Variants in AKNA observed in about 807,000 individuals in gnomAD.
The protein encoded by AKNA is microtubule organization protein AKNA.
AKNA carries 67 observed loss-of-function variants against 138.8 expected under a neutral mutation model. That is an observed-to-expected ratio of 0.48 (90% CI 0.40 to 0.59). The LOEUF is 0.59. Ranked by LOEUF, AKNA falls within the 20% of genes least tolerant of loss-of-function variation. The pLI is 0.00. For missense variants in AKNA, 1,813 were observed against 1,880.4 expected (o/e 0.96, Z 0.66); for synonymous variants, 737 against 754.4 (o/e 0.98, Z 0.38).
At chr9:114,346,417 G>A (rs1830689877) in intron 17 of AKNA, among the ~76,000 whole-genome samples, 1 of 152,230 alleles carries the variant, frequency 6.6e-6, no homozygotes, top group Non-Finnish European at 1.5e-5. Flanking sequence ...GTGAAATGTG[G>A]ATAATATGAC....
At position 114,356,111 on chromosome 9, in the gene AKNA, AGGGCT is replaced by A. The variant is rs1374116489; in HGVS notation, c.2867_2871del (p.Gln956LeufsTer70). ...CCATCCCTGGGCACAGATGCAGCAA[AGGGCT>A]GGGCTAATGTTCCTGCTGTGCTGGG... On this transcript the variant is annotated frameshift_variant, in exon 14 of 22. Transcript: ENST00000374088. LOFTEE classifies it high-confidence loss of function. 2.5e-6 allele frequency: 4 copies of A among 1,613,938 alleles called. No homozygotes were observed. Among genetic ancestry groups the A allele is most frequent in the Non-Finnish European group, 3.4e-6 (4 of 1,179,940 alleles).
rs1202871608 is a variant in AKNA, at chr9:114,358,017, T to G, written c.2643A>C (p.Ala881=). 1 of 1,609,960 alleles carries G rather than the reference T, an allele frequency of 6.2e-7. No individual in the cohort carries two copies. Among genetic ancestry groups the G allele is most frequent in the East Asian group, 2.2e-5 (1 of 44,740 alleles). The change falls in exon 12 of 22, where the codon GCA becomes GCC. Residue 881 remains alanine (A), a synonymous_variant. Coordinates refer to ENST00000374088, the MANE Select transcript of AKNA (RefSeq NM_001317950.2). ...PPHPPGTKSA[A]SHQSSMTSLE... ...GGCTGGTCATACTACTTTGGTGGGA[T>G]GCTGCGGACTTGGTGCCTGGAGGGT...
chr9:114,339,032 TACAG>T (rs1830168915), intron 21 of AKNA, among the ~76,000 whole-genome samples: 1 of 152,320 alleles, frequency 6.6e-6, no homozygotes, highest in East Asian at 1.9e-4. Context: ...TGTAAGTAAC[TACAG>T]AGGCTCCTCA....
downstream of AKNA, among the ~76,000 whole-genome samples, chr9:114,332,562 T>A (rs139726360): frequency 4.6e-5 from 7 of 152,030 alleles, no homozygotes; most frequent in East Asian, 7.8e-4. Context: ...AAACAATTCC[T>A]TCCATTTGCC....
intron 7 of AKNA, among the ~76,000 whole-genome samples, chr9:114,363,792 C>T (rs1832142915): frequency 6.6e-6 from 1 of 152,046 alleles, no homozygotes; most frequent in South Asian, 2.1e-4. Flanking sequence ...AATGCTACTA[C>T]CCGGGGATTC....
At chr9:114,346,140 G>C (rs1398880643) in intron 17 of AKNA, 131 bp from the exon 18 acceptor site, 7 of 909,674 alleles carry the variant, frequency 7.7e-6, no homozygotes, top group Non-Finnish European at 1.2e-5. Flanking sequence ...CCCCTTAGGA[G>C]TAACAGCTGG....
chr9:114,336,958 G>T lies in AKNA; in HGVS notation c.*96C>A. 7.1e-7 allele frequency: 1 copy of T among 1,398,718 alleles called. No homozygotes were observed. The highest frequency in any genetic ancestry group is 9.4e-7 in the Non-Finnish European group (1 of 1,063,434). 86.6% of individuals were successfully genotyped at this position (1,398,718 alleles called of 1,614,324 possible). ...GGAGACCCTCCTGGTGAGGAACTAT[G>T]CGGGCCTTCTGGGCCTCAGCAGCTC... On this transcript the variant is annotated 3_prime_UTR_variant, in exon 22 of 22. Transcript: ENST00000374088.
chr9:114,349,529 T>C (rs991049488), intron 15 of AKNA, among the ~76,000 whole-genome samples: 1 of 152,166 alleles, frequency 6.6e-6, no homozygotes, highest in African/African-American at 2.4e-5. Flanking sequence ...CTCCTGGATG[T>C]GGCAGCCTTC....
At chr9:114,342,214 T>A in intron 19 of AKNA, 89 bp from the exon 20 acceptor site, 1 of 961,992 alleles carries the variant, frequency 1.0e-6, no homozygotes, top group South Asian at 1.7e-5. Context: ...AGCACTGAGC[T>A]CTCCTCGGGA....
chr9:114,387,548 G>T (rs1834126286), intron 1 of AKNA, among the ~76,000 whole-genome samples: 1 of 152,166 alleles, frequency 6.6e-6, no homozygotes, highest in Non-Finnish European at 1.5e-5. Flanking sequence ...AGCAACCAAG[G>T]ACACTAACTC....
chr9:114,395,366 C>T (rs550213238), upstream of AKNA, among the ~76,000 whole-genome samples: 2 of 152,162 alleles, frequency 1.3e-5, no homozygotes, highest in East Asian at 1.9e-4. Context: ...CCCTGACTTA[C>T]CCCCCAATCC....
At chr9:114,338,158 T>C (rs1320001513) in intron 21 of AKNA, among the ~76,000 whole-genome samples, 1 of 152,234 alleles carries the variant, frequency 6.6e-6, no homozygotes, top group African/African-American at 2.4e-5. Context: ...GGCATCTTGC[T>C]TGGCACACTG....
Position 114,368,440 on chromosome 9 carries a change from TGAGGCCGCA to T in AKNA, c.1563_1571del (p.Ala522_Ser524del), listed in dbSNP as rs1014337475. ...CTGCAGCTCTTCTCCCGGACTCACC[TGAGGCCGCA>T]GAGGCCTGGGGGTCCTCGGCCGGGC... On this transcript the variant is annotated inframe_deletion and splice_region_variant, in exon 5 of 22. Coordinates refer to ENST00000374088, the MANE Select transcript of AKNA (RefSeq NM_001317950.2). The T allele has an allele frequency of 2.3e-6, 3 of 1,318,034 alleles. No homozygotes were observed. The African/African-American group carries it at 4.5e-5, about 20-fold the overall frequency. The allele number at this position is 1,318,034 out of a possible 1,614,324, so 81.6% of individuals were successfully genotyped here. A position where few individuals can be genotyped will look rare whatever the true frequency, so the allele number is the denominator to read the frequency against.
At chr9:114,348,045 T>C (rs1431942084) in intron 15 of AKNA, 145 bp from the exon 16 acceptor site, 1 of 877,506 alleles carries the variant, frequency 1.1e-6, no homozygotes, top group South Asian at 1.8e-5. Context: ...TCTAGAACTT[T>C]CCTGTGCGAC....
chr9:114,341,095 G>T (rs1407902394), intron 21 of AKNA, among the ~76,000 whole-genome samples: 1 of 152,208 alleles, frequency 6.6e-6, no homozygotes, highest in Non-Finnish European at 1.5e-5. Flanking sequence ...GAGGAGGATT[G>T]TGGGAATCTC....
Position 114,381,372 on chromosome 9 carries a change from C to T in AKNA, c.-39G>A. 6.7e-7 allele frequency: 1 copy of T among 1,500,118 alleles called. No homozygotes were observed. The allele number at this position is 1,500,118 out of a possible 1,614,324, so 92.9% of individuals were successfully genotyped here. ...GGCTTCACCTGGGCCACTTCATCTT[C>T]AGGAGACAGAGCTGCTGCCAGGGGC... On this transcript the variant is annotated 5_prime_UTR_variant, in exon 2 of 22. An upstream open reading frame in the 5' UTR loses its in-frame stop. Transcript: ENST00000374088.
At chr9:114,355,320 C>T (rs775279920) in intron 14 of AKNA, among the ~76,000 whole-genome samples, 2 of 152,094 alleles carry the variant, frequency 1.3e-5, no homozygotes, top group African/African-American at 2.4e-5. Flanking sequence ...GGATTACAGG[C>T]ACCTGCCACC....
In AKNA at chr9:114,376,495, G is replaced by C. The variant is rs144396220; in HGVS notation, c.1312C>G (p.Gln438Glu). ...RVPQEFQTPE[Q>E]ATELVHQLQE... ...AGCTGATGGACCAGCTCAGTGGCTT[G>C]CTCAGGCGTCTGAAATTCTTGGGGT... is the stretch of plus-strand genomic sequence containing the variant. Residue 438 changes from glutamine to glutamate, a missense_variant, in exon 3 of 22, where the codon CAA becomes GAA. Gln to Glu is a conservative substitution (Grantham distance 29). Transcript: ENST00000374088. The C allele has an allele frequency of 3.7e-6, 6 of 1,612,698 alleles. No homozygotes were observed. The African/African-American group carries it at 8.0e-5, about 22-fold the overall frequency.
At chr9:114,389,304 A>AC (rs1190112798), upstream of AKNA, among the ~76,000 whole-genome samples, 1 of 152,122 alleles carries the variant, frequency 6.6e-6, no homozygotes, top group African/African-American at 2.4e-5. Context: ...CCCACCCAGG[A>AC]CCCAGAGACT....
Sources: allele counts gnomAD v4.1 joint callset (sites outside exome capture counted in the v4.1 genomes callset), GRCh38; gene constraint gnomAD v4.1.1; transcripts MANE v1.5; gene names NCBI Gene and HGNC (gene_info 2026-07-23, HGNC 2026-07-21).